ACACA: variants seen among roughly 807,000 people sequenced by gnomAD.
ACACA encodes the protein acetyl-CoA carboxylase alpha.
ACACA carries 103 observed loss-of-function variants against 296.1 expected under a neutral mutation model. That is an observed-to-expected ratio of 0.35 (90% confidence interval 0.30 to 0.41). The LOEUF (loss-of-function observed/expected upper bound fraction) is 0.41, where lower values mean the gene tolerates loss of function less well. ACACA is among the 10% of genes least tolerant of loss of function. The probability of loss-of-function intolerance (pLI) is 1.00; values close to 1 mark genes in which losing one functional copy is unlikely to be tolerated. For missense variants in ACACA, 1,554 were observed against 2,989.7 expected (o/e 0.52, Z 11.20); for synonymous variants, 953 against 1,038.6 (o/e 0.92, Z 1.58).
At chr17:37,240,867 T>C (rs1361092101) in intron 23 of ACACA, among the ~76,000 whole-genome samples, 1 of 152,118 alleles carries the variant, frequency 6.6e-6, no homozygotes, top group Non-Finnish European at 1.5e-5. Context: ...GGCTGAGATA[T>C]CTGAAAAATT....
chr17:37,120,912 T>G (rs1295067696), intron 50 of ACACA, among the ~76,000 whole-genome samples: 1 of 152,206 alleles, frequency 6.6e-6, no homozygotes, highest in Non-Finnish European at 1.5e-5. Context: ...TAGCACAAAT[T>G]GCCACTGGTA....
intron 25 of ACACA, among the ~76,000 whole-genome samples, chr17:37,230,299 G>A (rs979805439): frequency 4.0e-5 from 6 of 150,858 alleles, no homozygotes; most frequent in Admixed American, 2.0e-4. Context: ...CAGGAGAATC[G>A]CTTGAACCCA....
At position 37,090,227 on chromosome 17, in the gene ACACA, A is replaced by G. The variant is rs543823214; in HGVS notation, c.6892-1153T>C. ...GCAGTACAAAACTGAGCACTAGGCT[A>G]TTTTCTAACTATCTCGTGCCTTCAA... On this transcript the variant is annotated intron_variant, in intron 54 of 55. Coordinates refer to ENST00000616317, the MANE Select transcript of ACACA (RefSeq NM_198834.3). Among the ~76,000 whole-genome samples, 6 of 152,224 alleles carry G rather than the reference A, an allele frequency of 3.9e-5. No homozygotes were observed. The East Asian group carries it at 1.2e-3, about 29-fold the overall frequency.
chr17:37,224,617 T>C (rs973584631), intron 27 of ACACA, among the ~76,000 whole-genome samples: 2 of 152,086 alleles, frequency 1.3e-5, no homozygotes, highest in Non-Finnish European at 2.9e-5. Flanking sequence ...ATACATCTGA[T>C]TCAAATATCA....
chr17:37,124,355 C>G (rs2074674040), intron 48 of ACACA, among the ~76,000 whole-genome samples: 1 of 152,170 alleles, frequency 6.6e-6, no homozygotes, highest in Non-Finnish European at 1.5e-5. Context: ...CCCTATTCTT[C>G]TAATCATAAG....
At chr17:37,165,007 A>C (rs1598032223) in intron 41 of ACACA, among the ~76,000 whole-genome samples, 1 of 152,164 alleles carries the variant, frequency 6.6e-6, no homozygotes, top group East Asian at 1.9e-4. Context: ...TGGCTAGGTC[A>C]TTATGCTTGC....
rs527657439 is a variant in ACACA, at chr17:37,175,070, T to C, written c.5079+4190A>G. Among the ~76,000 whole-genome samples the C allele has an allele frequency of 1.4e-3, 214 of 152,342 alleles. 1 individual carries two copies. The highest frequency in any genetic ancestry group is 1.2e-3 in the Non-Finnish European group (82 of 68,028). On this transcript the variant is annotated intron_variant, in intron 41 of 55. Transcript: ENST00000616317. ...TGATATGGTAAGAAAAACAGGGTCC[T>C]AATTTCTACTAGCACTAAAGTTACT... is the stretch of plus-strand genomic sequence containing the variant.
intron 30 of ACACA, among the ~76,000 whole-genome samples, chr17:37,208,891 C>T (rs2078628331): frequency 6.6e-6 from 1 of 152,216 alleles, no homozygotes; most frequent in Non-Finnish European, 1.5e-5. Flanking sequence ...CCCCAAAAAT[C>T]TCCTTGAAGT....
intron 50 of ACACA, among the ~76,000 whole-genome samples, chr17:37,117,830 G>C (rs950189258): frequency 1.3e-5 from 2 of 150,454 alleles, no homozygotes; most frequent in Admixed American, 6.6e-5. Flanking sequence ...TTTCAGCATA[G>C]CAAGAGCTGT....
intron 1 of ACACA, chr17:37,388,657 C>T (rs1221225696): frequency 6.2e-7 from 1 of 1,610,554 alleles, no homozygotes; most frequent in Non-Finnish European, 8.5e-7. Flanking sequence ...TTCCACTCCC[C>T]TCTCTCCTTT....
At chr17:37,327,152 A>G (rs1476143158) in intron 3 of ACACA, among the ~76,000 whole-genome samples, 1 of 152,218 alleles carries the variant, frequency 6.6e-6, no homozygotes. Flanking sequence ...CTTAGTCTCT[A>G]TTTAACTTTG....
At chr17:37,149,717 G>C (rs2075959889) in intron 45 of ACACA, 147 bp downstream of exon 45, 5 of 708,612 alleles carry the variant, frequency 7.1e-6, no homozygotes, top group Non-Finnish European at 1.3e-5. Flanking sequence ...CAAGTCAATG[G>C]GCAGAAAAGA....
chr17:37,385,218 C>A (rs1036045728), intron 1 of ACACA, among the ~76,000 whole-genome samples: 1 of 152,014 alleles, frequency 6.6e-6, no homozygotes, highest in African/African-American at 2.4e-5. Context: ...ATGTCTGTAA[C>A]CCCAGCACTT....
chr17:37,283,878 A>G (rs1182902995), intron 4 of ACACA, among the ~76,000 whole-genome samples: 2 of 152,238 alleles, frequency 1.3e-5, no homozygotes, highest in Non-Finnish European at 2.9e-5. Flanking sequence ...GAACTCCAAT[A>G]CCTTAGAATT....
chr17:37,087,530 A>G, intron 55 of ACACA, 91 bp from the exon 56 acceptor site: 6 of 1,473,484 alleles, frequency 4.1e-6, no homozygotes, highest in Non-Finnish European at 5.6e-6. Flanking sequence ...ACATGTGTGC[A>G]CCGTCCACTG....
At chr17:37,380,007 A>G (rs1597747573) in intron 1 of ACACA, among the ~76,000 whole-genome samples, 1 of 151,266 alleles carries the variant, frequency 6.6e-6, no homozygotes, top group African/African-American at 2.4e-5. Flanking sequence ...TCACAATAGC[A>G]AAGACTTGGA....
chr17:37,100,296 A>C (rs1198539614), intron 52 of ACACA, among the ~76,000 whole-genome samples: 2 of 152,216 alleles, frequency 1.3e-5, no homozygotes, highest in African/African-American at 4.8e-5. Flanking sequence ...CAAAGGGGAA[A>C]ATGGTAACTT....
At chr17:37,375,995 T>G in intron 1 of ACACA, 1 of 1,040,684 alleles carries the variant, frequency 9.6e-7, no homozygotes, top group Middle Eastern at 2.2e-4. Context: ...CAAACTTGGT[T>G]CCAGCTGCGT....
At chr17:37,224,419 T>C (rs1291170179) in intron 27 of ACACA, among the ~76,000 whole-genome samples, 2 of 152,270 alleles carry the variant, frequency 1.3e-5, no homozygotes, top group East Asian at 3.9e-4. Context: ...TAGAAAAATA[T>C]AAAGTCATTC....
Sources: gnomAD v4.1 joint callset for allele counts (sites outside exome capture counted in the v4.1 genomes callset) on GRCh38, gnomAD v4.1.1 for gene constraint, MANE v1.5 for transcripts, NCBI Gene and HGNC (gene_info 2026-07-23, HGNC 2026-07-21) for gene names.